The following NPAS2 variants were observed in gnomAD, a reference collection of about 807,000 sequenced individuals.
NPAS2 encodes neuronal PAS domain-containing protein 2.
NPAS2 carries 23 observed loss-of-function variants against 107.5 expected under a neutral mutation model. That is an observed-to-expected ratio of 0.21 (90% CI 0.15 to 0.30). NPAS2 has a LOEUF of 0.30. Among genes scored for constraint, NPAS2 ranks in the 10% least tolerant of loss-of-function variants. NPAS2 has a pLI of 1.00. For synonymous variants in NPAS2, 403 were observed against 417.5 expected, an observed-to-expected ratio of 0.97 and a Z score of 0.42; for missense variants, 756 against 1,043.3, an observed-to-expected ratio of 0.72 and a Z score of 3.79.
rs1056040428 is a variant in NPAS2 at position 100,996,059 on chromosome 2, T to C, written c.*477T>C. 7.5e-6 allele frequency: 7 copies of C among 939,148 alleles called. No individual in the cohort carries two copies. The highest frequency in any genetic ancestry group is 9.7e-6 in the Non-Finnish European group (7 of 719,238). 58.2% of individuals were successfully genotyped at this position (939,148 alleles called of 1,614,324 possible). A position where few individuals can be genotyped will look rare whatever the true frequency, so the allele number is the denominator to read the frequency against. On this transcript the variant is annotated 3_prime_UTR_variant, in exon 21 of 21. Transcript: ENST00000335681. Reference sequence around the variant, plus strand: ...ATTATTTTTCATTATTTTTAAATGGTTGTTTTTGTTTTAATTTGCACAGCT... The same window carrying C: ...ATTATTTTTCATTATTTTTAAATGGCTGTTTTTGTTTTAATTTGCACAGCT...
At chr2:100,938,221 C>T (rs1265577761) in intron 5 of NPAS2, among the ~76,000 whole-genome samples, 2 of 152,194 alleles carry the variant, frequency 1.3e-5, no homozygotes, top group Non-Finnish European at 2.9e-5. Flanking sequence ...AGGGAGAGGA[C>T]AACAGATGGC....
rs1410731561 is a variant in NPAS2 at position 100,820,572 on chromosome 2, G to A, written c.-23+158G>A. Among the ~76,000 whole-genome samples the A allele has an allele frequency of 6.6e-6, 1 of 152,016 alleles. No individual in the cohort carries two copies. Among genetic ancestry groups the A allele is most frequent in the Admixed American group, 6.5e-5 (1 of 15,286 alleles). On this transcript the variant is annotated intron_variant, in intron 1 of 20. Transcript: ENST00000335681. This position sits in a 1 kb window ranked among gnomAD's most constrained non-coding sequence, Gnocchi z 5.6. Reference sequence around the variant, plus strand: ...CGCGGCACCGGGGACCCCGGACGCGGGGGCGCGGAGAGGTGGGTTCCCCTC... The same window carrying A: ...CGCGGCACCGGGGACCCCGGACGCGAGGGCGCGGAGAGGTGGGTTCCCCTC...
At position 100,965,194 on chromosome 2, in the gene NPAS2, G is replaced by T. The variant is rs1003152244; in HGVS notation, c.800+251G>T. Among the ~76,000 whole-genome samples, 1 of 152,210 alleles carries T rather than the reference G, an allele frequency of 6.6e-6. No individual in the cohort carries two copies. Among genetic ancestry groups the T allele is most frequent in the Non-Finnish European group, 1.5e-5 (1 of 68,034 alleles). On this transcript the variant is annotated intron_variant, in intron 9 of 20. Transcript: ENST00000335681. This position sits in a 1 kb window ranked among gnomAD's most constrained non-coding sequence, Gnocchi z 4.3. ...ATCTTTGGGATGATCCTCACTTGAG[G>T]CCCTTCCCGGCTCCCAGTAAGGCAG... is the stretch of plus-strand genomic sequence containing the variant.
chr2:100,829,555 G>C (rs542431666), intron 1 of NPAS2, among the ~76,000 whole-genome samples: 7 of 152,280 alleles, frequency 4.6e-5, no homozygotes, highest in Admixed American at 2.6e-4. Flanking sequence ...GGGCCTTTTG[G>C]TGGAGTTTTT....
chr2:100,867,503 G>A (rs1246368646), intron 1 of NPAS2, among the ~76,000 whole-genome samples: 3 of 152,110 alleles, frequency 2.0e-5, no homozygotes, highest in Non-Finnish European at 4.4e-5. Flanking sequence ...ATTAACAGAT[G>A]TATGGTAGAT....
At chr2:100,826,268 CCT>C (rs1017943887) in intron 1 of NPAS2, among the ~76,000 whole-genome samples, 22 of 152,062 alleles carry the variant, frequency 1.4e-4, no homozygotes, top group African/African-American at 4.8e-4. Flanking sequence ...ATGGTGAAAC[CCT>C]GTCTCTACTA....
chr2:100,984,251 C>A (rs1386943486), intron 16 of NPAS2: 1 of 152,146 alleles, frequency 6.6e-6, no homozygotes, highest in Non-Finnish European at 1.5e-5. Flanking sequence ...CCTCAAGGAG[C>A]CTGCCTTGTT....
At chr2:100,826,885 T>C (rs1676422081) in intron 1 of NPAS2, among the ~76,000 whole-genome samples, 1 of 152,246 alleles carries the variant, frequency 6.6e-6, no homozygotes, top group Non-Finnish European at 1.5e-5. Context: ...TTTGTGCATT[T>C]TCACATGTTT....
chr2:100,936,818 C>T (rs1684330042), intron 4 of NPAS2, among the ~76,000 whole-genome samples: 1 of 151,840 alleles, frequency 6.6e-6, no homozygotes, highest in Non-Finnish European at 1.5e-5. Context: ...CCTGTCTCTA[C>T]TAAAAATACA....
intron 2 of NPAS2, among the ~76,000 whole-genome samples, chr2:100,909,063 G>T (rs1350833236): frequency 6.6e-6 from 1 of 152,232 alleles, no homozygotes; most frequent in Non-Finnish European, 1.5e-5. Flanking sequence ...GAAGGAAAAG[G>T]TTTAGCCATT....
chr2:100,861,632 T>C (rs912827152), intron 1 of NPAS2, among the ~76,000 whole-genome samples: 1 of 152,098 alleles, frequency 6.6e-6, no homozygotes, highest in Non-Finnish European at 1.5e-5. Context: ...GGGCTGGAGA[T>C]GCATATCTGA....
chr2:100,884,887 A>AT (rs1240867957), intron 1 of NPAS2, among the ~76,000 whole-genome samples: 1 of 151,914 alleles, frequency 6.6e-6, no homozygotes, highest in Non-Finnish European at 1.5e-5. Flanking sequence ...TATTTTTTTA[A>AT]TATATAAAGA....
chr2:100,933,618 G>C (rs1282127314), intron 4 of NPAS2, among the ~76,000 whole-genome samples: 2 of 152,138 alleles, frequency 1.3e-5, no homozygotes, highest in Non-Finnish European at 2.9e-5. Context: ...TGAAAACCTG[G>C]CTGATCTAAA....
At chr2:100,946,398 A>G (rs1053213436) in intron 5 of NPAS2, among the ~76,000 whole-genome samples, 1 of 152,190 alleles carries the variant, frequency 6.6e-6, no homozygotes, top group African/African-American at 2.4e-5. Flanking sequence ...AGTGACTTCA[A>G]AGCAGGGACC....
chr2:100,851,748 G>A (rs749361544), intron 1 of NPAS2, among the ~76,000 whole-genome samples: 29 of 152,186 alleles, frequency 1.9e-4, no homozygotes, highest in Non-Finnish European at 3.8e-4. Flanking sequence ...CCATGCCCAG[G>A]AATGAAAACA....
At chr2:100,828,184 T>G (rs1055796799) in intron 1 of NPAS2, among the ~76,000 whole-genome samples, 5 of 152,232 alleles carry the variant, frequency 3.3e-5, no homozygotes, top group African/African-American at 1.2e-4. Context: ...GAGCATTTTT[T>G]TCATGTTTGT....
At chr2:100,942,741 G>A (rs1386095308) in intron 5 of NPAS2, among the ~76,000 whole-genome samples, 1 of 152,080 alleles carries the variant, frequency 6.6e-6, no homozygotes, top group Non-Finnish European at 1.5e-5. Context: ...TAAGGTCATT[G>A]TTTGCTTGTT....
chr2:100,845,677 G>T (rs1291801345), intron 1 of NPAS2, among the ~76,000 whole-genome samples: 1 of 152,184 alleles, frequency 6.6e-6, no homozygotes, highest in Non-Finnish European at 1.5e-5. Context: ...TGTGCTGTGA[G>T]CTCCTAACTG....
intron 1 of NPAS2, among the ~76,000 whole-genome samples, chr2:100,901,042 C>T (rs1367968671): frequency 6.6e-6 from 1 of 151,994 alleles, no homozygotes; most frequent in Admixed American, 6.6e-5. Flanking sequence ...TTTTCTATTG[C>T]CATTGTTCCT....
Sources: gnomAD v4.1 joint callset for allele counts (sites outside exome capture counted in the v4.1 genomes callset) on GRCh38, gnomAD v4.1.1 for gene constraint, Gnocchi (gnomAD v3.1) non-coding constraint, MANE v1.5 for transcripts, NCBI Gene and HGNC (gene_info 2026-07-23, HGNC 2026-07-21) for gene names.